The following ZNF701 variants were observed in gnomAD, a reference collection of about 807,000 sequenced individuals.
The protein encoded by ZNF701 is zinc finger protein 701.
Under a neutral mutation model 7.1 loss-of-function variants are expected in ZNF701, and 6 were observed. That is an observed-to-expected ratio of 0.84 (90% confidence interval 0.46 to 1.66). ZNF701 has a LOEUF of 1.66. ZNF701 is among the 40% of genes most tolerant of loss of function. The pLI is 0.01. For synonymous variants in ZNF701, 166 were observed against 188.2 expected, an observed-to-expected ratio of 0.88 and a Z score of 0.97; for missense variants, 541 against 559.2, an observed-to-expected ratio of 0.97 and a Z score of 0.33.
chr19:52,589,734 A>G (rs1049335459), downstream of ZNF701, among the ~76,000 whole-genome samples: 2 of 152,096 alleles, frequency 1.3e-5, no homozygotes, highest in Non-Finnish European at 2.9e-5. Flanking sequence ...GGCCATTAAT[A>G]TCTTCCAACA....
intron 3 of ZNF701, among the ~76,000 whole-genome samples, chr19:52,577,521 C>G (rs1433076584): frequency 8.3e-6 from 1 of 120,534 alleles, no homozygotes; most frequent in African/African-American, 3.5e-5. Flanking sequence ...TAATATTACT[C>G]TTTGTTGCAT....
intron 3 of ZNF701, among the ~76,000 whole-genome samples, chr19:52,580,630 G>C (rs73580221): frequency 0.12 from 18,311 of 152,162 alleles, 2,798 homozygotes; most frequent in African/African-American, 0.36. Flanking sequence ...TGTACTAGTG[G>C]TAAGTACAAG....
In ZNF701 at chr19:52,582,616, C is replaced by G. The variant is rs889886405; in HGVS notation, c.557C>G (p.Thr186Ser). Reference sequence around the variant, plus strand: ...CAACGAATTTCCTGTAGGCCAAAAACTCGTATTTCTAATAAGTATAGGAAT... The same window carrying G: ...CAACGAATTTCCTGTAGGCCAAAAAGTCGTATTTCTAATAAGTATAGGAAT... ...ASQRISCRPK[T>S]RISNKYRNNF... The change falls in exon 4 of 4, where the codon ACT (threonine) becomes AGT (serine). Residue 186 changes from threonine (T) to serine (S), a missense_variant. Thr to Ser is a moderately conservative substitution (Grantham distance 58). Transcript: ENST00000391785. The G allele has an allele frequency of 6.2e-7, 1 of 1,614,032 alleles. No homozygotes were observed. Among genetic ancestry groups the G allele is most frequent in the Non-Finnish European group, 8.5e-7 (1 of 1,180,038 alleles).
At chr19:52,582,115 T>C in intron 3 of ZNF701, 87 bp from the exon 4 acceptor site, 1 of 1,184,102 alleles carries the variant, frequency 8.4e-7, no homozygotes, top group Non-Finnish European at 1.2e-6. Flanking sequence ...TTAAAATAAG[T>C]ATTGTTTTTT....
intron 2 of ZNF701, among the ~76,000 whole-genome samples, chr19:52,575,349 T>C (rs1308866282): frequency 6.7e-6 from 1 of 150,300 alleles, no homozygotes; most frequent in Non-Finnish European, 1.5e-5. Context: ...TACACATACA[T>C]ATATACACAC....
At chr19:52,579,343 G>C (rs948193093) in intron 3 of ZNF701, among the ~76,000 whole-genome samples, 2 of 139,598 alleles carry the variant, frequency 1.4e-5, no homozygotes, top group Admixed American at 6.9e-5. Context: ...TCTCAACATG[G>C]AGAAACCCCG....
rs770994424 is a variant in ZNF701 at position 52,572,298 on chromosome 19, G to A, written c.-71-1779G>A. The A allele has an allele frequency of 1.2e-4, 109 of 907,486 alleles. 2 individuals carry two copies. In the Middle Eastern group the frequency reaches 4.1e-3, roughly 34 times the overall value. The allele number at this position is 907,486 out of a possible 1,614,324, so 56.2% of individuals were successfully genotyped here. A position where few individuals can be genotyped will look rare whatever the true frequency, so the allele number is the denominator to read the frequency against. On this transcript the variant is annotated intron_variant, in intron 1 of 3. Transcript: ENST00000391785. ...TCGAACTCCCGACATCAGGTGATCC[G>A]CCTGCCTCGGCCTCCCAAAGTGCTG...
the ZNF701 span, chr19:52,592,369 T>C: frequency 2.1e-6 from 2 of 964,786 alleles, no homozygotes; most frequent in South Asian, 3.3e-5. Flanking sequence ...ATGACCCTCA[T>C]ATTTGTCATG....
rs1036974934 is a variant in ZNF701 at position 52,586,022 on chromosome 19, A to T, written c.*2565A>T. On this transcript the variant is annotated 3_prime_UTR_variant, in exon 4 of 4. Transcript: ENST00000391785. The stretch of plus-strand genomic sequence containing the variant: ...CCCTGCCTCCCTAGACCCAGGACCC[A>T]TGTGGTTTTTTTTGTTTTTGTTTTT... The T allele has an allele frequency of 6.6e-6, 1 of 152,146 alleles. No individual in the cohort carries two copies. Among genetic ancestry groups the T allele is most frequent in the African/African-American group, 2.4e-5 (1 of 41,262 alleles). The allele number at this position is 152,146 out of a possible 1,614,324, so 9.4% of individuals were successfully genotyped here.
the ZNF701 span, chr19:52,596,593 T>A: frequency 2.4e-6 from 1 of 411,824 alleles, no homozygotes; most frequent in Middle Eastern, 5.8e-4. Flanking sequence ...CATCATGGAC[T>A]TCATACTGGA....
chr19:52,598,319 T>C, the ZNF701 span, among the ~76,000 whole-genome samples: 1 of 152,160 alleles, frequency 6.6e-6, no homozygotes, highest in Non-Finnish European at 1.5e-5. Flanking sequence ...CGCTGAATCG[T>C]TTTTCCTCTT....
Position 52,583,020 on chromosome 19 carries a change from A to T in ZNF701, c.961A>T (p.Thr321Ser), listed in dbSNP as rs2059986683. 1 of 1,613,870 alleles carries T rather than the reference A, an allele frequency of 6.2e-7. No individual in the cohort carries two copies. Reference protein sequence around the residue: ...SNLARHHRVHTGEKPYKCEEC... With the variant: ...SNLARHHRVHSGEKPYKCEEC... ...CCTTGCACGTCATCATAGAGTTCAT[A>T]CTGGAGAGAAACCTTACAAATGTGA... Residue 321 changes from threonine (T) to serine (S), a missense_variant, in exon 4 of 4, where the codon ACT becomes TCT. Transcript: ENST00000391785.
Position 52,576,114 on chromosome 19 carries a change from C to A in ZNF701, c.142+93C>A, listed in dbSNP as rs533129336. 84 of 1,597,508 alleles carry A rather than the reference C, an allele frequency of 5.3e-5. No homozygotes were observed. In the African/African-American group the frequency reaches 1.0e-3, roughly 19 times the overall value. On this transcript the variant is annotated intron_variant, in intron 3 of 3. Transcript: ENST00000391785. ...TCTTGGGAGCCACATCCTTGCTTGGCTAAAATGGAAGCCGTATTGAGTTAG... is the reference window on the plus strand; with the variant it reads ...TCTTGGGAGCCACATCCTTGCTTGGATAAAATGGAAGCCGTATTGAGTTAG...
intron 3 of ZNF701, among the ~76,000 whole-genome samples, chr19:52,579,494 TGG>T (rs2059961213): frequency 8.9e-6 from 1 of 111,812 alleles, no homozygotes; most frequent in Non-Finnish European, 1.6e-5. Context: ...CACTCCAGCC[TGG>T]GCAACGAGAG....
chr19:52,583,577 A>T lies in ZNF701; in HGVS notation c.*120A>T. The T allele has an allele frequency of 6.8e-7, 1 of 1,465,576 alleles. No individual in the cohort carries two copies. Among genetic ancestry groups the T allele is most frequent in the Non-Finnish European group, 9.5e-7 (1 of 1,047,216 alleles). The allele number at this position is 1,465,576 out of a possible 1,614,324, so 90.8% of individuals were successfully genotyped here. A position where few individuals can be genotyped will look rare whatever the true frequency, so the allele number is the denominator to read the frequency against. ...TGACAAAAGTTTTCAATTTCAAATC[A>T]CTCCTTGAAATACATAGGAGAGTTC... On this transcript the variant is annotated 3_prime_UTR_variant, in exon 4 of 4. Coordinates refer to ENST00000391785, the MANE Select transcript of ZNF701 (RefSeq NM_018260.3).
the ZNF701 span, chr19:52,595,760 C>G: frequency 2.5e-6 from 4 of 1,589,012 alleles, no homozygotes; most frequent in East Asian, 2.2e-5. Flanking sequence ...AGATATTCAT[C>G]ACTTTGAGTT....
rs2060011213 is a variant in ZNF701 at position 52,586,268 on chromosome 19, C to T, written c.*2811C>T. ...TGTTGTCTAGGTTGGGCTCCAACTG[C>T]AGGGCTAAAGCGATCCAAGAGCATC... On this transcript the variant is annotated 3_prime_UTR_variant, in exon 4 of 4. Transcript: ENST00000391785. The T allele has an allele frequency of 6.6e-6, 1 of 152,138 alleles. No homozygotes were observed. The highest frequency in any genetic ancestry group is 2.0e-4 in the East Asian group (1 of 5,118). The allele number at this position is 152,138 out of a possible 1,614,324, so 9.4% of individuals were successfully genotyped here. A position where few individuals can be genotyped will look rare whatever the true frequency, so the allele number is the denominator to read the frequency against.
intron 1 of ZNF701, among the ~76,000 whole-genome samples, chr19:52,573,458 AAC>A (rs937378943): frequency 2.0e-4 from 30 of 152,054 alleles, no homozygotes; most frequent in African/African-American, 7.2e-4. Flanking sequence ...GCTGCTGTTG[AAC>A]TCCTGAACTT....
chr19:52,581,034 G>GT (rs2146991560), intron 3 of ZNF701, among the ~76,000 whole-genome samples: 1 of 152,094 alleles, frequency 6.6e-6, no homozygotes, highest in East Asian at 1.9e-4. Flanking sequence ...TGAGCAAAGA[G>GT]ACTTGCTTGA....
Sources: gnomAD v4.1 joint callset for allele counts (sites outside exome capture counted in the v4.1 genomes callset) on GRCh38, gnomAD v4.1.1 for gene constraint, MANE v1.5 for transcripts, NCBI Gene and HGNC (gene_info 2026-07-23, HGNC 2026-07-21) for gene names.